Variants in RAC1 observed in about 807,000 individuals in gnomAD.
RAC1 encodes the protein Rac family small GTPase 1.
Under a neutral mutation model 25.2 loss-of-function variants are expected in RAC1, and 2 were observed. The observed-to-expected ratio is 0.08, with a 90% CI of 0.03 to 0.25. RAC1 has a LOEUF of 0.25. Among genes scored for constraint, RAC1 ranks in the 10% least tolerant of loss-of-function variants. The pLI is 1.00. For synonymous variants in RAC1, 88 were observed against 94.0 expected (o/e 0.94, Z 0.37); for missense variants, 50 against 235.7 (o/e 0.21, Z 5.16).
chr7:6,387,816 T>G (rs1046299183), intron 2 of RAC1, among the ~76,000 whole-genome samples: 4 of 152,246 alleles, frequency 2.6e-5, no homozygotes, highest in African/African-American at 7.2e-5. Flanking sequence ...AAACTTTAAC[T>G]GTCTGTGAGG....
chr7:6,377,046 A>G (rs1042017258), intron 1 of RAC1, among the ~76,000 whole-genome samples: 1 of 151,998 alleles, frequency 6.6e-6, no homozygotes, highest in Non-Finnish European at 1.5e-5. Flanking sequence ...TGGGAGGTCA[A>G]CAAGACTAAA....
intron 1 of RAC1, among the ~76,000 whole-genome samples, chr7:6,381,761 T>C (rs1203502928): frequency 6.6e-6 from 1 of 152,068 alleles, no homozygotes; most frequent in Non-Finnish European, 1.5e-5. Context: ...TAATTTTAGA[T>C]TGGGTTTTGT....
rs567457938 is a variant in RAC1, at chr7:6,387,131, C to T, written c.36-81C>T. ...ATGTATATGCCTTGATTTTTTTTCT[C>T]TAGAAATTATTTTAACTTAATAGTG... On this transcript the variant is annotated intron_variant, in intron 1 of 5. Transcript: ENST00000348035. 3.2e-6 allele frequency: 3 copies of T among 936,524 alleles called. No homozygotes were observed. In the South Asian group the frequency reaches 4.5e-5, roughly 14 times the overall value. The allele number at this position is 936,524 out of a possible 1,614,324, so 58.0% of individuals were successfully genotyped here. A position where few individuals can be genotyped will look rare whatever the true frequency, so the allele number is the denominator to read the frequency against.
At chr7:6,375,834 C>T (rs1208414162) in intron 1 of RAC1, 1 of 151,930 alleles carries the variant, frequency 6.6e-6, no homozygotes, top group East Asian at 1.9e-4. Context: ...CAAAACTTGT[C>T]TTATGCAGTT....
At chr7:6,386,654 G>A (rs997707506) in intron 1 of RAC1, among the ~76,000 whole-genome samples, 8 of 151,644 alleles carry the variant, frequency 5.3e-5, no homozygotes, top group African/African-American at 1.9e-4. Context: ...CGTGGTGGTG[G>A]ACAGCTGTAA....
intron 5 of RAC1, 107 bp from the exon 6 acceptor site, chr7:6,402,209 G>C (rs1783421414): frequency 1.3e-6 from 2 of 1,494,494 alleles, no homozygotes; most frequent in Non-Finnish European, 1.8e-6. Context: ...AGCAGGGCTG[G>C]GAGCCGGCAG....
At chr7:6,385,388 G>GA (rs200090416) in intron 1 of RAC1, among the ~76,000 whole-genome samples, 3 of 150,508 alleles carry the variant, frequency 2.0e-5, no homozygotes, top group African/African-American at 4.9e-5. Flanking sequence ...TTTTGCAGGT[G>GA]AAAAAAAAAG....
chr7:6,389,402 TA>T (rs1002912826), intron 2 of RAC1, among the ~76,000 whole-genome samples: 2 of 151,452 alleles, frequency 1.3e-5, no homozygotes, highest in South Asian at 2.1e-4. Context: ...TTTTTTTAAT[TA>T]AAAAAGTTTG....
At chr7:6,384,825 C>G (rs1164925809) in intron 1 of RAC1, among the ~76,000 whole-genome samples, 1 of 152,016 alleles carries the variant, frequency 6.6e-6, no homozygotes, top group Non-Finnish European at 1.5e-5. Context: ...TTTTTTGAGA[C>G]AGGGTCTCAC....
At chr7:6,396,424 G>A (rs575198983) in intron 3 of RAC1, among the ~76,000 whole-genome samples, 1 of 152,278 alleles carries the variant, frequency 6.6e-6, no homozygotes, top group African/African-American at 2.4e-5. Flanking sequence ...TTTAGCTGGG[G>A]ACGAAGAAGG....
chr7:6,390,096 C>CCTTTTTT (rs1554263519), intron 2 of RAC1, among the ~76,000 whole-genome samples: 32 of 74,910 alleles, frequency 4.3e-4, no homozygotes, highest in East Asian at 1.5e-3. Flanking sequence ...CCCTCCCTCC[C>CCTTTTTT]TTTTTTTTTT....
intron 1 of RAC1, among the ~76,000 whole-genome samples, chr7:6,386,218 G>C (rs1283925277): frequency 6.6e-6 from 1 of 152,158 alleles, no homozygotes; most frequent in Non-Finnish European, 1.5e-5. Context: ...TTAAATGTCT[G>C]GGATGTATTG....
intron 1 of RAC1, among the ~76,000 whole-genome samples, chr7:6,377,276 G>T (rs1041450623): frequency 6.6e-6 from 1 of 151,572 alleles, no homozygotes; most frequent in African/African-American, 2.4e-5. Context: ...TATTGATGTT[G>T]ACTACAGCTA....
chr7:6,396,882 T>C (rs962757786), intron 3 of RAC1, among the ~76,000 whole-genome samples: 2 of 151,866 alleles, frequency 1.3e-5, no homozygotes, highest in South Asian at 2.1e-4. Context: ...TACAAAAAAT[T>C]AGCCGGGCGT....
At chr7:6,395,673 C>T (rs1161708310) in intron 3 of RAC1, among the ~76,000 whole-genome samples, 1 of 152,086 alleles carries the variant, frequency 6.6e-6, no homozygotes, top group African/African-American at 2.4e-5. Flanking sequence ...TAGTGTTCTG[C>T]GAGATTATTC....
chr7:6,392,671 C>T (rs1420149060), intron 3 of RAC1, among the ~76,000 whole-genome samples: 1 of 152,176 alleles, frequency 6.6e-6, no homozygotes, highest in Admixed American at 6.5e-5. Context: ...ACTTAGAAGA[C>T]ATTGTTGTCA....
At chr7:6,386,511 G>A (rs547964183) in intron 1 of RAC1, among the ~76,000 whole-genome samples, 104 of 152,194 alleles carry the variant, frequency 6.8e-4, no homozygotes, top group African/African-American at 2.3e-3. Flanking sequence ...GCTGGGTGTG[G>A]TGGCTCCAGC....
At chr7:6,381,520 G>A (rs759196582) in intron 1 of RAC1, among the ~76,000 whole-genome samples, 3 of 151,848 alleles carry the variant, frequency 2.0e-5, no homozygotes, top group Non-Finnish European at 4.4e-5. Context: ...AGCCTCCTGA[G>A]TAGCTGAGAT....
intron 3 of RAC1, among the ~76,000 whole-genome samples, chr7:6,397,849 C>T (rs572792593): frequency 3.3e-5 from 5 of 152,158 alleles, no homozygotes; most frequent in African/African-American, 1.2e-4. Flanking sequence ...ATTAGCTGGG[C>T]GTGGTGGTGT....
Sources: gnomAD v4.1 joint callset for allele counts (sites outside exome capture counted in the v4.1 genomes callset) on GRCh38, gnomAD v4.1.1 for gene constraint, MANE v1.5 for transcripts, NCBI Gene and HGNC (gene_info 2026-07-23, HGNC 2026-07-21) for gene names.